Variants in PTCD1 observed in about 807,000 individuals in gnomAD.
PTCD1 encodes the protein pentatricopeptide repeat-containing protein 1, mitochondrial.
In PTCD1, 50 loss-of-function variants were observed where a neutral mutation model predicts 53.4. The ratio of observed to expected loss-of-function variants is 0.94; its 90% CI spans 0.75 to 1.19. PTCD1 has a LOEUF of 1.19. Among genes scored for constraint, PTCD1 ranks in the 50% most tolerant of loss-of-function variants. PTCD1 has a pLI of 0.00. For missense variants in PTCD1, 918 were observed against 904.8 expected (o/e 1.01, Z -0.19); for synonymous variants, 413 against 394.8 (o/e 1.05, Z -0.55).
At chr7:99,435,641 A>C (rs1796433534) in intron 1 of PTCD1, among the ~76,000 whole-genome samples, 1 of 148,536 alleles carries the variant, frequency 6.7e-6, no homozygotes. Flanking sequence ...TCTGTCTCGA[A>C]AAAAAAAAGA....
At chr7:99,433,558 C>G in intron 2 of PTCD1, 140 bp from the exon 3 acceptor site, 6 of 1,534,558 alleles carry the variant, frequency 3.9e-6, no homozygotes, top group Non-Finnish European at 5.3e-6. Context: ...CCTGGGCCCC[C>G]AGCTGTTTCT....
intron 3 of PTCD1, among the ~76,000 whole-genome samples, chr7:99,430,430 G>A (rs1796211033): frequency 1.3e-5 from 2 of 152,256 alleles, no homozygotes; most frequent in East Asian, 1.9e-4. Context: ...ATTGGCCAGA[G>A]AAGGGCCATC....
At chr7:99,424,037 T>G in intron 6 of PTCD1, 80 bp from the exon 7 acceptor site, 1 of 1,565,460 alleles carries the variant, frequency 6.4e-7, no homozygotes. Flanking sequence ...TCAATCAAGC[T>G]GGCTCCCGGG....
rs1795596683 is a variant in PTCD1 at position 99,417,930 on chromosome 7, T to A, written c.*2037A>T. 1.6e-5 allele frequency: 20 copies of A among 1,271,710 alleles called. 1 individual carries two copies. In the South Asian group the frequency reaches 2.8e-4, roughly 18 times the overall value. The allele number at this position is 1,271,710 out of a possible 1,614,324, so 78.8% of individuals were successfully genotyped here. A position where few individuals can be genotyped will look rare whatever the true frequency, so the allele number is the denominator to read the frequency against. Reference sequence around the variant, plus strand: ...AGGACAACCAGTGAGTTCCTGTCCCTTTCAGTCCTCACAGTGATACTTTAA... The same window carrying A: ...AGGACAACCAGTGAGTTCCTGTCCCATTCAGTCCTCACAGTGATACTTTAA... On this transcript the variant is annotated 3_prime_UTR_variant, in exon 8 of 8. Transcript: ENST00000292478.
In PTCD1 at chr7:99,428,658, G is replaced by A. The variant is rs537894043; in HGVS notation, c.915+445C>T. On this transcript the variant is annotated intron_variant, in intron 5 of 7. Transcript: ENST00000292478. Reference sequence around the variant, plus strand: ...CGGGAGGCTGAGGCAGGAGTATCGCGTGAACCTGGGAGGCGGAGGTTGCAG... The same window carrying A: ...CGGGAGGCTGAGGCAGGAGTATCGCATGAACCTGGGAGGCGGAGGTTGCAG... Among the ~76,000 whole-genome samples, 875 of 152,000 alleles carry A rather than the reference G, an allele frequency of 5.8e-3. 8 individuals are homozygous for A. The highest frequency in any genetic ancestry group is 0.018 in the African/African-American group (766 of 41,444).
intron 3 of PTCD1, among the ~76,000 whole-genome samples, chr7:99,432,215 A>C (rs1796284010): frequency 6.6e-6 from 1 of 152,180 alleles, no homozygotes. Flanking sequence ...AGGGTTAGTG[A>C]AAGAGGAAGG....
intron 1 of PTCD1, among the ~76,000 whole-genome samples, chr7:99,437,802 T>C (rs944552818): frequency 3.9e-5 from 6 of 152,074 alleles, no homozygotes; most frequent in African/African-American, 1.4e-4. Context: ...GTAGCTGGGA[T>C]TACAGGAACG....
intron 3 of PTCD1, chr7:99,432,875 C>A: frequency 3.1e-6 from 1 of 326,694 alleles, no homozygotes; most frequent in Admixed American, 4.1e-5. Flanking sequence ...GCAGCACAAT[C>A]CCACCTCTAC....
At chr7:99,436,865 C>CT (rs1441181843) in intron 1 of PTCD1, among the ~76,000 whole-genome samples, 1 of 152,158 alleles carries the variant, frequency 6.6e-6, no homozygotes, top group Non-Finnish European at 1.5e-5. Flanking sequence ...ATGTAATTTT[C>CT]TTTTTTGTGG....
At chr7:99,429,535 G>T in intron 4 of PTCD1, 53 bp downstream of exon 4, 1 of 1,611,628 alleles carries the variant, frequency 6.2e-7, no homozygotes, top group South Asian at 1.1e-5. Flanking sequence ...CCCTGCCCCT[G>T]ACACGTGGGA....
chr7:99,436,790 G>A (rs1378305140), intron 1 of PTCD1, among the ~76,000 whole-genome samples: 1 of 152,196 alleles, frequency 6.6e-6, no homozygotes, highest in East Asian at 1.9e-4. Context: ...TGAAACTAGT[G>A]CAGGGGGCCT....
intron 3 of PTCD1, among the ~76,000 whole-genome samples, chr7:99,431,239 C>T (rs1796238298): frequency 6.6e-6 from 1 of 151,740 alleles, no homozygotes; most frequent in Non-Finnish European, 1.5e-5. Flanking sequence ...AAGTGATTCC[C>T]TTGCCTCAGC....
rs1391050085 is a variant in PTCD1, at chr7:99,419,502, C to T, written c.*465G>A. 73 of 1,592,506 alleles carry T rather than the reference C, an allele frequency of 4.6e-5. No homozygotes were observed. Among genetic ancestry groups the T allele is most frequent in the Non-Finnish European group, 6.2e-5 (72 of 1,168,252 alleles). ...AGGTTCCTGCCTGTCACGCCACCCC[C>T]TTCCTGGGAGCAGCGAGCAGTGCCC... On this transcript the variant is annotated 3_prime_UTR_variant, in exon 8 of 8. Transcript: ENST00000292478.
In PTCD1 at chr7:99,432,168, C is replaced by A. The variant is rs562659224; in HGVS notation, c.594+1110G>T. 3.9e-5 allele frequency among the ~76,000 whole-genome samples: 6 copies of A among 152,226 alleles called. 1 individual carries two copies. The South Asian group carries it at 1.2e-3, about 32-fold the overall frequency. On this transcript the variant is annotated intron_variant, in intron 3 of 7. Transcript: ENST00000292478. ...AAGACCTGACTGTCTCCCAGCCTGTCCCCCAGCCCGACGCCCATAAAGGGT... is the reference window on the plus strand; with the variant it reads ...AAGACCTGACTGTCTCCCAGCCTGTACCCCAGCCCGACGCCCATAAAGGGT...
intron 2 of PTCD1, among the ~76,000 whole-genome samples, chr7:99,434,129 G>C (rs1796364010): frequency 6.6e-6 from 1 of 151,068 alleles, no homozygotes; most frequent in Non-Finnish European, 1.5e-5. Context: ...AGTATATCAA[G>C]TGATGACAGG....
Position 99,419,857 on chromosome 7 carries a change from G to A in PTCD1, c.*110C>T. 1 of 1,572,692 alleles carries A rather than the reference G, an allele frequency of 6.4e-7. No individual in the cohort carries two copies. Among genetic ancestry groups the A allele is most frequent in the Non-Finnish European group, 8.7e-7 (1 of 1,155,136 alleles). On this transcript the variant is annotated 3_prime_UTR_variant, in exon 8 of 8. Coordinates refer to ENST00000292478, the MANE Select transcript of PTCD1 (RefSeq NM_015545.4). ...CCAACACCTGTGACACGCTGCGGCT[G>A]TTCCTCAGGGCCTGGCTCTTCCCCC...
rs1795502059 is a variant in PTCD1, at chr7:99,416,808, C to T, written c.*3159G>A. The T allele has an allele frequency of 6.5e-6, 1 of 154,382 alleles. No homozygotes were observed. Among genetic ancestry groups the T allele is most frequent in the Non-Finnish European group, 1.4e-5 (1 of 71,192 alleles). The allele number at this position is 154,382 out of a possible 1,614,324, so 9.6% of individuals were successfully genotyped here. ...CAATGATGGCTCACTGCAGCCTCAA[C>T]CTTCTGGGCTCAAGGGATCCTCTCA... On this transcript the variant is annotated 3_prime_UTR_variant, in exon 8 of 8. Transcript: ENST00000292478.
chr7:99,438,778 C>T lies in PTCD1; in HGVS notation c.-113G>A. The T allele has an allele frequency of 2.2e-6, 3 of 1,372,058 alleles. No individual in the cohort carries two copies. Among genetic ancestry groups the T allele is most frequent in the Non-Finnish European group, 2.9e-6 (3 of 1,043,636 alleles). 85.0% of individuals were successfully genotyped at this position (1,372,058 alleles called of 1,614,324 possible). On this transcript the variant is annotated 5_prime_UTR_variant, in exon 1 of 8. Coordinates refer to ENST00000292478, the MANE Select transcript of PTCD1 (RefSeq NM_015545.4). ...GTCTCTTCCTCGGGTCCCCCTCTCC[C>T]CAAGCGCGCAGGCGCAATCCGCGTC... is the stretch of plus-strand genomic sequence containing the variant.
chr7:99,431,067 C>A (rs1277831240), intron 3 of PTCD1, among the ~76,000 whole-genome samples: 1 of 151,904 alleles, frequency 6.6e-6, no homozygotes, highest in Non-Finnish European at 1.5e-5. Context: ...AGAGCCAAAA[C>A]TCCCGTCTCA....
Sources: allele counts gnomAD v4.1 joint callset (sites outside exome capture counted in the v4.1 genomes callset), GRCh38; gene constraint gnomAD v4.1.1; transcripts MANE v1.5; gene names NCBI Gene and HGNC (gene_info 2026-07-23, HGNC 2026-07-21).